Variants in GLIS2 observed in about 807,000 individuals in gnomAD.
GLIS2 encodes the protein GLIS family zinc finger 2.
A neutral mutation model predicts 35.6 loss-of-function variants in GLIS2; 14 were observed. The ratio of observed to expected loss-of-function variants is 0.39; its 90% CI spans 0.26 to 0.61. GLIS2 has a LOEUF of 0.61. Among genes scored for constraint, GLIS2 ranks in the 20% least tolerant of loss-of-function variants. The probability of loss-of-function intolerance (pLI) is 0.48; values close to 1 mark genes in which losing one functional copy is unlikely to be tolerated. For synonymous variants in GLIS2, 368 were observed against 325.1 expected, an observed-to-expected ratio of 1.13 and a Z score of -1.42; for missense variants, 675 against 713.4, an observed-to-expected ratio of 0.95 and a Z score of 0.61.
intron 6 of GLIS2, chr16:4,336,080 C>T (rs972156900): frequency 5.4e-6 from 1 of 185,082 alleles, no homozygotes; most frequent in African/African-American, 2.4e-5. Context: ...GGCAGTAGCG[C>T]CCAGGCAGCA....
intron 1 of GLIS2, among the ~76,000 whole-genome samples, chr16:4,326,225 A>G (rs2053428948): frequency 6.6e-6 from 1 of 152,222 alleles, no homozygotes. Flanking sequence ...AGCCTGGGTG[A>G]CAGAGTGAGA....
chr16:4,322,229 T>C (rs1270142059), intron 1 of GLIS2, among the ~76,000 whole-genome samples: 1 of 152,118 alleles, frequency 6.6e-6, no homozygotes, highest in East Asian at 1.9e-4. Flanking sequence ...GTGGCACTCT[T>C]CTGTGTAGAG....
Position 4,338,707 on chromosome 16 carries a change from A to G in GLIS2, c.*1183A>G, listed in dbSNP as rs987444658. Reference sequence around the variant, plus strand: ...GCCGCTTTCTCAGAGGCACTTCCCCACCCCTAACACCCAGTGGGCCCCCCC... The same window carrying G: ...GCCGCTTTCTCAGAGGCACTTCCCCGCCCCTAACACCCAGTGGGCCCCCCC... On this transcript the variant is annotated 3_prime_UTR_variant, in exon 7 of 7. Coordinates refer to ENST00000433375, the MANE Select transcript of GLIS2 (RefSeq NM_032575.3). 1.3e-5 allele frequency: 2 copies of G among 152,952 alleles called. No homozygotes were observed. The highest frequency in any genetic ancestry group is 4.8e-5 in the African/African-American group (2 of 41,370). The allele number at this position is 152,952 out of a possible 1,614,324, so 9.5% of individuals were successfully genotyped here. A position where few individuals can be genotyped will look rare whatever the true frequency, so the allele number is the denominator to read the frequency against.
In GLIS2 at chr16:4,337,887, A is replaced by C; in HGVS notation, c.*363A>C. 1 of 380,402 alleles carries C rather than the reference A, an allele frequency of 2.6e-6. No homozygotes were observed. The allele number at this position is 380,402 out of a possible 1,614,324, so 23.6% of individuals were successfully genotyped here. On this transcript the variant is annotated 3_prime_UTR_variant, in exon 7 of 7. Coordinates refer to ENST00000433375, the MANE Select transcript of GLIS2 (RefSeq NM_032575.3). Reference sequence around the variant, plus strand: ...CACCCATGGCAAGTTGCCCTCTCCCAGCAGAGGGGGTGGGTGGGGTGGCAT... The same window carrying C: ...CACCCATGGCAAGTTGCCCTCTCCCCGCAGAGGGGGTGGGTGGGGTGGCAT...
chr16:4,318,644 T>C lies in GLIS2; in HGVS notation c.-67+2390T>C, dbSNP rs912960475. Among the ~76,000 whole-genome samples, 3 of 152,196 alleles carry C rather than the reference T, an allele frequency of 2.0e-5. 1 individual carries two copies. The highest frequency in any genetic ancestry group is 4.1e-4 in the South Asian group (2 of 4,832). On this transcript the variant is annotated intron_variant, in intron 1 of 6. Coordinates refer to ENST00000433375, the MANE Select transcript of GLIS2 (RefSeq NM_032575.3). The stretch of plus-strand genomic sequence containing the variant: ...AACAAAGGTCTCCCAGGGCCCCTTC[T>C]TGGGGCCTGGAGGGAGGCCTGGACC...
rs1238285559 is a variant in GLIS2 at position 4,337,601 on chromosome 16, A to T, written c.*77A>T. The T allele has an allele frequency of 2.0e-6, 3 of 1,525,986 alleles. No homozygotes were observed. In the East Asian group the frequency reaches 7.3e-5, roughly 37 times the overall value. The allele number at this position is 1,525,986 out of a possible 1,614,324, so 94.5% of individuals were successfully genotyped here. Reference sequence around the variant, plus strand: ...CCCGACGAACGGAAACTCTTCTGTGAAATAGCAATAATGTCCTACTGCCCG... The same window carrying T: ...CCCGACGAACGGAAACTCTTCTGTGTAATAGCAATAATGTCCTACTGCCCG... On this transcript the variant is annotated 3_prime_UTR_variant, in exon 7 of 7. Transcript: ENST00000433375.
Position 4,320,342 on chromosome 16 carries a change from C to T in GLIS2, c.-67+4088C>T, listed in dbSNP as rs2053365118. Among the ~76,000 whole-genome samples the T allele has an allele frequency of 6.6e-6, 1 of 152,100 alleles. No individual in the cohort carries two copies. The highest frequency in any genetic ancestry group is 6.5e-5 in the Admixed American group (1 of 15,280). ...CAGTCCTGCCCGTCACATGGAGGGT[C>T]CCCACCGCTGGCACAGCACGCTCCC... is the stretch of plus-strand genomic sequence containing the variant. On this transcript the variant is annotated intron_variant, in intron 1 of 6. Coordinates refer to ENST00000433375, the MANE Select transcript of GLIS2 (RefSeq NM_032575.3). The surrounding 1 kb of genome is among the most constrained non-coding windows in gnomAD (Gnocchi z 5.6).
intron 3 of GLIS2, 134 bp from the exon 4 acceptor site, chr16:4,334,667 C>T (rs1029898333): frequency 1.0e-6 from 1 of 1,004,908 alleles, no homozygotes; most frequent in Non-Finnish European, 1.5e-6. Context: ...CCAAATAAGG[C>T]CACATGCACA....
Position 4,336,828 on chromosome 16 carries a change from C to T in GLIS2, c.879C>T (p.Tyr293=), listed in dbSNP as rs1256627480. 6.2e-7 allele frequency: 1 copy of T among 1,612,554 alleles called. No individual in the cohort carries two copies. The highest frequency in any genetic ancestry group is 1.1e-5 in the South Asian group (1 of 91,072). The change falls in exon 7 of 7, where the codon TAC becomes TAT. Residue 293 remains tyrosine (Y), a synonymous_variant. Coordinates refer to ENST00000433375, the MANE Select transcript of GLIS2 (RefSeq NM_032575.3). ...HTRTHYVDKP[Y]YCKMPGCHKR... ...GCACCCACTATGTGGACAAGCCCTA[C>T]TACTGCAAGATGCCCGGCTGCCACA...
At chr16:4,317,899 C>A (rs2053332470) in intron 1 of GLIS2, among the ~76,000 whole-genome samples, 1 of 152,156 alleles carries the variant, frequency 6.6e-6, no homozygotes, top group Non-Finnish European at 1.5e-5. Flanking sequence ...TAGCGCTGAC[C>A]CCCTGTGCCT....
At chr16:4,318,352 T>C (rs902657190) in intron 1 of GLIS2, among the ~76,000 whole-genome samples, 1 of 151,864 alleles carries the variant, frequency 6.6e-6, no homozygotes, top group Admixed American at 6.6e-5. Context: ...GAAGCCTGGG[T>C]GGAGGGGGGT....
At chr16:4,317,385 C>T (rs1490211659) in intron 1 of GLIS2, among the ~76,000 whole-genome samples, 1 of 152,166 alleles carries the variant, frequency 6.6e-6, no homozygotes, top group Non-Finnish European at 1.5e-5. Context: ...CGCCATCCTG[C>T]GTGTCCTGGC....
At chr16:4,321,665 G>A (rs900468192) in intron 1 of GLIS2, among the ~76,000 whole-genome samples, 4 of 152,152 alleles carry the variant, frequency 2.6e-5, no homozygotes, top group Non-Finnish European at 5.9e-5. Flanking sequence ...GGTGGGCTCC[G>A]TGCCAGGGGC....
intron 1 of GLIS2, among the ~76,000 whole-genome samples, chr16:4,317,892 C>T (rs1039207096): frequency 5.3e-5 from 8 of 152,172 alleles, no homozygotes; most frequent in East Asian, 1.9e-4. Context: ...CTGCCATTAG[C>T]GCTGACCCCC....
intron 1 of GLIS2, among the ~76,000 whole-genome samples, chr16:4,323,762 G>A (rs2053402229): frequency 6.6e-6 from 1 of 152,206 alleles, no homozygotes; most frequent in Non-Finnish European, 1.5e-5. Context: ...GCTGTGCAGG[G>A]AACCCCCAGC....
chr16:4,321,321 C>A (rs115655434), intron 1 of GLIS2, among the ~76,000 whole-genome samples: 1,628 of 152,314 alleles, frequency 0.011, 26 homozygotes, highest in African/African-American at 0.037. Flanking sequence ...TGTCAGGAGA[C>A]CAGCCCCTGC....
At chr16:4,322,008 C>T (rs753121734) in intron 1 of GLIS2, among the ~76,000 whole-genome samples, 2 of 152,052 alleles carry the variant, frequency 1.3e-5, no homozygotes, top group Non-Finnish European at 2.9e-5. Flanking sequence ...CTCCAGAAAC[C>T]GAGGCTGGGG....
Position 4,334,993 on chromosome 16 carries a change from C to A in GLIS2, c.522+16C>A. On this transcript the variant is annotated intron_variant, in intron 4 of 6. Coordinates refer to ENST00000433375, the MANE Select transcript of GLIS2 (RefSeq NM_032575.3). ...CTGGGCCAAGGTGAGTGGGGGCCAG[C>A]AAGAGTAGTGTGGAGTCTGGGGCAG... 6.2e-7 allele frequency: 1 copy of A among 1,613,228 alleles called. No individual in the cohort carries two copies. Among genetic ancestry groups the A allele is most frequent in the African/African-American group, 1.3e-5 (1 of 75,024 alleles).
chr16:4,326,679 C>T (rs1177211311), intron 1 of GLIS2, among the ~76,000 whole-genome samples: 1 of 150,536 alleles, frequency 6.6e-6, no homozygotes, highest in African/African-American at 2.5e-5. Context: ...GCCTCAAACT[C>T]CCCAGGCTCA....
Sources: allele counts gnomAD v4.1 joint callset (sites outside exome capture counted in the v4.1 genomes callset), GRCh38; gene constraint gnomAD v4.1.1; non-coding constraint Gnocchi (gnomAD v3.1); transcripts MANE v1.5; gene names NCBI Gene and HGNC (gene_info 2026-07-23, HGNC 2026-07-21).